ZNF333: variants seen among roughly 807,000 people sequenced by gnomAD.
ZNF333 encodes the protein zinc finger protein 333.
A neutral mutation model predicts 76.1 loss-of-function variants in ZNF333; 61 were observed. The observed-to-expected ratio is 0.80, with a 90% CI of 0.65 to 0.99. The LOEUF is 0.99. Ranked by LOEUF, ZNF333 falls within the 50% of genes least tolerant of loss-of-function variation. The probability of loss-of-function intolerance (pLI) is 0.00; values close to 1 mark genes in which losing one functional copy is unlikely to be tolerated. For synonymous variants in ZNF333, 284 were observed against 305.0 expected (o/e 0.93, Z 0.72); for missense variants, 717 against 822.4 (o/e 0.87, Z 1.57).
At chr19:14,709,380 A>G (rs957049965) in intron 7 of ZNF333, 4 of 152,336 alleles carry the variant, frequency 2.6e-5, no homozygotes, top group South Asian at 2.1e-4. Context: ...TAAAGACTCT[A>G]TGTTCAAATA....
intron 4 of ZNF333, among the ~76,000 whole-genome samples, chr19:14,697,826 GTT>G (rs1333109132): frequency 2.6e-5 from 4 of 152,192 alleles, no homozygotes; most frequent in Admixed American, 2.0e-4. Flanking sequence ...GGAGATGAGA[GTT>G]TTGATTTATC....
At chr19:14,693,326 C>T in intron 1 of ZNF333, 125 bp from the exon 2 acceptor site, 1 of 582,800 alleles carries the variant, frequency 1.7e-6, no homozygotes, top group Non-Finnish European at 2.8e-6. Context: ...TGGGGGCCAA[C>T]ATGTTGCTTA....
rs10414977 is a variant in ZNF333 at position 14,712,354 on chromosome 19, G to C, written c.512-3028G>C. ...CGTGCCTCAGCCTCCCGAGTGGCTG[G>C]GACTACAGATGTGTGCCACCACGCC... is the stretch of plus-strand genomic sequence containing the variant. On this transcript the variant is annotated intron_variant, in intron 7 of 11. Coordinates refer to ENST00000292530, the MANE Select transcript of ZNF333 (RefSeq NM_032433.4). Among the ~76,000 whole-genome samples the C allele has an allele frequency of 5.4e-3, 816 of 152,012 alleles. 11 individuals are homozygous for C. Among genetic ancestry groups the C allele is most frequent in the African/African-American group, 0.018 (741 of 41,456 alleles).
At chr19:14,708,758 T>C (rs2042191116) in intron 7 of ZNF333, 1 of 181,348 alleles carries the variant, frequency 5.5e-6, no homozygotes, top group Non-Finnish European at 1.1e-5. Context: ...AGCAAAAATA[T>C]ATTGTCTCAC....
chr19:14,716,469 G>A (rs1236680144), intron 9 of ZNF333, among the ~76,000 whole-genome samples: 1 of 152,030 alleles, frequency 6.6e-6, no homozygotes, highest in Non-Finnish European at 1.5e-5. Context: ...ATGTTTCCCA[G>A]ACTGGTCTCG....
chr19:14,701,365 G>A (rs143715904), intron 5 of ZNF333, among the ~76,000 whole-genome samples: 7 of 152,040 alleles, frequency 4.6e-5, no homozygotes, highest in African/African-American at 1.7e-4. Context: ...GCCTCCTCCC[G>A]AGTAGCTGGG....
intron 11 of ZNF333, among the ~76,000 whole-genome samples, chr19:14,717,975 T>A (rs1347278464): frequency 6.6e-6 from 1 of 152,258 alleles, no homozygotes; most frequent in East Asian, 1.9e-4. Flanking sequence ...GTTTAAGACT[T>A]AATTTAGCCT....
intron 11 of ZNF333, among the ~76,000 whole-genome samples, chr19:14,727,216 G>C (rs973607052): frequency 2.6e-5 from 4 of 151,956 alleles, no homozygotes; most frequent in Non-Finnish European, 4.4e-5. Flanking sequence ...TTTTAGTAGA[G>C]ACAGGGTTTC....
chr19:14,718,085 C>T, intron 11 of ZNF333, 143 bp from the exon 12 acceptor site: 2 of 1,169,118 alleles, frequency 1.7e-6, no homozygotes, highest in Non-Finnish European at 2.3e-6. Flanking sequence ...CTTGAAGGAA[C>T]TCTGGATAGA....
chr19:14,723,407 G>T (rs1372205768), downstream of ZNF333, among the ~76,000 whole-genome samples: 1 of 152,064 alleles, frequency 6.6e-6, no homozygotes, highest in African/African-American at 2.4e-5. Context: ...TTCTTGGTTT[G>T]GTATTCTTGA....
intron 1 of ZNF333, among the ~76,000 whole-genome samples, chr19:14,692,522 T>A (rs1464572434): frequency 6.6e-6 from 1 of 150,758 alleles, no homozygotes; most frequent in African/African-American, 2.5e-5. Flanking sequence ...TTTATTTATT[T>A]TTTTTCTTTC....
At chr19:14,703,441 T>C (rs1007415867) in intron 5 of ZNF333, among the ~76,000 whole-genome samples, 14 of 152,180 alleles carry the variant, frequency 9.2e-5, no homozygotes, top group African/African-American at 3.1e-4. Context: ...AAACAGTTTC[T>C]TTAAGTTGAG....
chr19:14,703,202 CAAAA>C lies in ZNF333; in HGVS notation c.307-1835_307-1832del, dbSNP rs35839207. ...CCTGGGCGACAGCAAGACTCCGTCTCAAAAAAAAAAAAAAAAAAAACCATCAGAT... is the reference window on the plus strand; with the variant it reads ...CCTGGGCGACAGCAAGACTCCGTCTCAAAAAAAAAAAAAAAACCATCAGAT... On this transcript the variant is annotated intron_variant, in intron 5 of 11. Coordinates refer to ENST00000292530, the MANE Select transcript of ZNF333 (RefSeq NM_032433.4). Among the ~76,000 whole-genome samples, 3 of 73,090 alleles carry C rather than the reference CAAAA, an allele frequency of 4.1e-5. No homozygotes were observed. The East Asian group carries it at 1.3e-3, about 31-fold the overall frequency. The allele number at this position is 73,090 out of a possible 152,430, so 47.9% of individuals were successfully genotyped here. A position where few individuals can be genotyped will look rare whatever the true frequency, so the allele number is the denominator to read the frequency against.
intron 7 of ZNF333, among the ~76,000 whole-genome samples, chr19:14,713,004 C>T (rs184878519): frequency 6.6e-6 from 1 of 151,624 alleles, no homozygotes; most frequent in Admixed American, 6.6e-5. Context: ...ATTCCAGCGT[C>T]AACTCTAAGT....
intron 6 of ZNF333, among the ~76,000 whole-genome samples, chr19:14,705,938 G>C (rs553902046): frequency 1.5e-4 from 23 of 152,108 alleles, no homozygotes; most frequent in Non-Finnish European, 2.8e-4. Flanking sequence ...CTGCTGTAAG[G>C]CACGTCCTGA....
At chr19:14,697,150 T>G (rs570223722) in intron 4 of ZNF333, among the ~76,000 whole-genome samples, 1 of 152,328 alleles carries the variant, frequency 6.6e-6, no homozygotes, top group Non-Finnish European at 1.5e-5. Context: ...TTCTTTCACT[T>G]AGCTTTATGT....
At chr19:14,698,939 CACAT>C (rs1274938998) in intron 4 of ZNF333, among the ~76,000 whole-genome samples, 1 of 131,634 alleles carries the variant, frequency 7.6e-6, no homozygotes, top group Non-Finnish European at 1.7e-5. Flanking sequence ...TATATATACA[CACAT>C]ATATATTTTC....
At chr19:14,715,896 A>G (rs1352444917) in intron 8 of ZNF333, among the ~76,000 whole-genome samples, 1 of 152,178 alleles carries the variant, frequency 6.6e-6, no homozygotes, top group Non-Finnish European at 1.5e-5. Flanking sequence ...AACATTAGTT[A>G]TTGCCTCTTG....
In ZNF333 at chr19:14,718,428, A is replaced by G; in HGVS notation, c.1101A>G (p.Ala367=). The change falls in exon 12 of 12, where the codon GCA becomes GCG. Residue 367 remains alanine, a synonymous_variant. Transcript: ENST00000292530. ...EKIRSGDKSY[A]CNKCEKSFRY... is the part of the protein sequence containing the mutation. ...TCCGTAGTGGGGATAAATCCTATGC[A>G]TGTAACAAATGTGAAAAATCCTTCA... is the stretch of plus-strand genomic sequence containing the variant. 2 of 1,614,210 alleles carry G rather than the reference A, an allele frequency of 1.2e-6. No homozygotes were observed. The highest frequency in any genetic ancestry group is 2.2e-5 in the East Asian group (1 of 44,888).
Sources: gnomAD v4.1 joint callset for allele counts (sites outside exome capture counted in the v4.1 genomes callset) on GRCh38, gnomAD v4.1.1 for gene constraint, MANE v1.5 for transcripts, NCBI Gene and HGNC (gene_info 2026-07-23, HGNC 2026-07-21) for gene names.